Variants in MDGA2 observed in about 807,000 individuals in gnomAD.
The protein encoded by MDGA2 is MAM domain-containing glycosylphosphatidylinositol anchor protein 2.
In MDGA2, 40 loss-of-function variants were observed where a neutral mutation model predicts 117.8. The observed-to-expected ratio is 0.34, with a 90% CI of 0.26 to 0.44. MDGA2 has a LOEUF of 0.44. Among genes scored for constraint, MDGA2 ranks in the 20% least tolerant of loss-of-function variants. The pLI is 1.00. For synonymous variants in MDGA2, 452 were observed against 439.0 expected, an observed-to-expected ratio of 1.03 and a Z score of -0.37; for missense variants, 1,123 against 1,250.6, an observed-to-expected ratio of 0.90 and a Z score of 1.54.
chr14:47,291,346 G>T (rs1399298832), intron 2 of MDGA2, among the ~76,000 whole-genome samples: 2 of 152,044 alleles, frequency 1.3e-5, no homozygotes, highest in Non-Finnish European at 2.9e-5. Context: ...ACCACCTTCC[G>T]TTATGCACAC....
intron 1 of MDGA2, among the ~76,000 whole-genome samples, chr14:47,441,251 C>T (rs191223211): frequency 7.2e-5 from 11 of 152,098 alleles, no homozygotes; most frequent in East Asian, 1.9e-4. Flanking sequence ...CAGCTGGTCA[C>T]GGAAACCAAG....
intron 1 of MDGA2, among the ~76,000 whole-genome samples, chr14:47,385,163 A>T (rs1234940928): frequency 6.6e-6 from 1 of 152,092 alleles, no homozygotes; most frequent in Admixed American, 6.6e-5. Flanking sequence ...AAATTATACT[A>T]TGTCTAAAAT....
chr14:47,139,781 C>A (rs1882625713), intron 4 of MDGA2, among the ~76,000 whole-genome samples: 1 of 131,378 alleles, frequency 7.6e-6, no homozygotes, highest in African/African-American at 2.9e-5. Flanking sequence ...TATATACACA[C>A]AAATATATAT....
At chr14:47,126,712 T>C (rs1364261926) in intron 5 of MDGA2, among the ~76,000 whole-genome samples, 4 of 152,124 alleles carry the variant, frequency 2.6e-5, no homozygotes, top group Non-Finnish European at 5.9e-5. Flanking sequence ...CTACATATTA[T>C]TATCATCCAA....
At chr14:47,421,047 G>A (rs1048533338) in intron 1 of MDGA2, among the ~76,000 whole-genome samples, 11 of 152,016 alleles carry the variant, frequency 7.2e-5, no homozygotes, top group South Asian at 2.1e-4. Flanking sequence ...GAAGAGTGCC[G>A]CTGTTCTTTC....
intron 1 of MDGA2, among the ~76,000 whole-genome samples, chr14:47,581,175 C>T (rs1594928283): frequency 1.3e-5 from 2 of 151,952 alleles, no homozygotes; most frequent in Admixed American, 6.6e-5. Context: ...TCCAACCTCT[C>T]CTTTATTACT....
chr14:47,516,124 C>G (rs957347570), intron 1 of MDGA2, among the ~76,000 whole-genome samples: 3 of 152,106 alleles, frequency 2.0e-5, no homozygotes, highest in Admixed American at 2.0e-4. Flanking sequence ...GGAAATAAGA[C>G]CTGACTTGCA....
At chr14:47,609,833 C>T (rs1283225090) in intron 1 of MDGA2, among the ~76,000 whole-genome samples, 2 of 151,766 alleles carry the variant, frequency 1.3e-5, no homozygotes, top group Non-Finnish European at 2.9e-5. Context: ...TTCCACAAGA[C>T]AGAGACAGAG....
intron 1 of MDGA2, among the ~76,000 whole-genome samples, chr14:47,326,935 A>G (rs753868934): frequency 5.3e-5 from 8 of 152,136 alleles, no homozygotes; most frequent in Admixed American, 2.6e-4. Context: ...ACTCAAAATC[A>G]TGATTGAAGA....
At chr14:47,659,385 A>G (rs1897804311) in intron 1 of MDGA2, among the ~76,000 whole-genome samples, 1 of 152,244 alleles carries the variant, frequency 6.6e-6, no homozygotes, top group African/African-American at 2.4e-5. Context: ...ATGTAAAATG[A>G]ATGAGAAGCA....
chr14:47,174,530 A>C (rs908261801), intron 3 of MDGA2, among the ~76,000 whole-genome samples: 2 of 152,286 alleles, frequency 1.3e-5, no homozygotes, highest in African/African-American at 2.4e-5. Context: ...AAACTGAACA[A>C]CCTGCTCCTG....
intron 1 of MDGA2, among the ~76,000 whole-genome samples, chr14:47,531,679 G>A (rs190396865): frequency 4.4e-3 from 671 of 152,162 alleles, no homozygotes; most frequent in Middle Eastern, 0.014. Flanking sequence ...CATCTTAGTC[G>A]GGGAGACTCT....
At chr14:46,947,444 A>G (rs1426907391) in intron 9 of MDGA2, among the ~76,000 whole-genome samples, 3 of 152,158 alleles carry the variant, frequency 2.0e-5, no homozygotes, top group East Asian at 3.9e-4. Flanking sequence ...TCCATGAGCC[A>G]CATCACTCAG....
At chr14:47,505,675 C>T (rs1226279936) in intron 1 of MDGA2, among the ~76,000 whole-genome samples, 3 of 152,008 alleles carry the variant, frequency 2.0e-5, no homozygotes, top group African/African-American at 4.8e-5. Flanking sequence ...CAGTTAACCC[C>T]CAAATTTCAA....
intron 5 of MDGA2, among the ~76,000 whole-genome samples, chr14:47,126,534 C>T (rs1448526246): frequency 6.6e-6 from 1 of 151,992 alleles, no homozygotes; most frequent in Non-Finnish European, 1.5e-5. Context: ...TGAGTTCCAC[C>T]ACAATGCTAT....
At chr14:47,135,548 A>G (rs1273085591) in intron 4 of MDGA2, among the ~76,000 whole-genome samples, 3 of 152,158 alleles carry the variant, frequency 2.0e-5, no homozygotes, top group Non-Finnish European at 4.4e-5. Context: ...GAAGAAATGT[A>G]GTCTCTTATC....
intron 3 of MDGA2, among the ~76,000 whole-genome samples, chr14:47,167,504 A>C (rs1883935042): frequency 6.6e-6 from 1 of 152,180 alleles, no homozygotes; most frequent in Non-Finnish European, 1.5e-5. Context: ...GGAAGAAAAA[A>C]ATCAGTAGCA....
intron 1 of MDGA2, among the ~76,000 whole-genome samples, chr14:47,334,230 T>TCAGA (rs1367433512): frequency 2.6e-5 from 4 of 151,880 alleles, no homozygotes; most frequent in African/African-American, 9.7e-5. Flanking sequence ...TTGAGATATA[T>TCAGA]CAGACCTGTT....
At chr14:47,237,522 G>C (rs947281200) in intron 2 of MDGA2, among the ~76,000 whole-genome samples, 1 of 152,110 alleles carries the variant, frequency 6.6e-6, no homozygotes, top group East Asian at 1.9e-4. Context: ...CAACAATCAA[G>C]ATATTCTTTC....
Sources: allele counts gnomAD v4.1 joint callset (sites outside exome capture counted in the v4.1 genomes callset), GRCh38; gene constraint gnomAD v4.1.1; transcripts MANE v1.5; gene names NCBI Gene and HGNC (gene_info 2026-07-23, HGNC 2026-07-21).